Variants in CTNNA2 observed in about 807,000 individuals in gnomAD.
CTNNA2 encodes catenin alpha 2.
Under a neutral mutation model 101.0 loss-of-function variants are expected in CTNNA2, and 42 were observed. The ratio of observed to expected loss-of-function variants is 0.42; its 90% CI spans 0.32 to 0.54. CTNNA2 has a LOEUF of 0.54. CTNNA2 is among the 20% of genes least tolerant of loss of function. CTNNA2 has a pLI of 0.14. For missense variants in CTNNA2, 871 were observed against 1,223.1 expected, an observed-to-expected ratio of 0.71 and a Z score of 4.29; for synonymous variants, 450 against 456.4, an observed-to-expected ratio of 0.99 and a Z score of 0.18.
chr2:80,368,594 C>A (rs1675148885), intron 7 of CTNNA2, among the ~76,000 whole-genome samples: 1 of 151,714 alleles, frequency 6.6e-6, no homozygotes, highest in Non-Finnish European at 1.5e-5. Context: ...ATCCAATTAG[C>A]CTGATTGATC....
chr2:79,860,339 AAT>A, intron 4 of CTNNA2, among the ~76,000 whole-genome samples: 1 of 152,132 alleles, frequency 6.6e-6, no homozygotes, highest in East Asian at 1.9e-4. Flanking sequence ...TGATGGGCTG[AAT>A]ATCCTTGCTG....
intron 3 of CTNNA2, among the ~76,000 whole-genome samples, chr2:79,316,939 G>T (rs898256533): frequency 2.6e-5 from 4 of 151,758 alleles, no homozygotes; most frequent in African/African-American, 9.7e-5. Context: ...ATGCTAAATG[G>T]AATTGAAAAA....
At chr2:80,417,869 A>G (rs372667984) in intron 8 of CTNNA2, among the ~76,000 whole-genome samples, 19 of 152,248 alleles carry the variant, frequency 1.2e-4, no homozygotes, top group East Asian at 1.2e-3. Context: ...ATTTTTGTGC[A>G]CATTATCTTC....
chr2:80,041,450 G>A (rs1172076022), intron 7 of CTNNA2, among the ~76,000 whole-genome samples: 2 of 152,030 alleles, frequency 1.3e-5, no homozygotes, highest in African/African-American at 2.4e-5. Flanking sequence ...GGGATGGGGG[G>A]TACAGAGGTT....
At chr2:80,012,185 A>G (rs920257610) in intron 7 of CTNNA2, among the ~76,000 whole-genome samples, 7 of 152,146 alleles carry the variant, frequency 4.6e-5, no homozygotes, top group Admixed American at 4.6e-4. Flanking sequence ...CCAAGCAGAG[A>G]GAAGATACTT....
intron 7 of CTNNA2, among the ~76,000 whole-genome samples, chr2:80,200,177 A>C (rs2149014163): frequency 6.6e-6 from 1 of 152,346 alleles, no homozygotes; most frequent in East Asian, 1.9e-4. Context: ...GAAAATCAGC[A>C]TTTATTGAGT....
At chr2:79,952,413 A>G (rs773754947) in intron 7 of CTNNA2, among the ~76,000 whole-genome samples, 1 of 152,174 alleles carries the variant, frequency 6.6e-6, no homozygotes, top group Non-Finnish European at 1.5e-5. Context: ...AATTGTGCTC[A>G]AAAAGGGAGG....
intron 7 of CTNNA2, among the ~76,000 whole-genome samples, chr2:79,959,049 G>T (rs894161591): frequency 6.6e-6 from 1 of 150,606 alleles, no homozygotes; most frequent in Non-Finnish European, 1.5e-5. Context: ...CTGTAGCTCC[G>T]TTTTTTTTTC....
chr2:80,520,281 G>A (rs2149571840), intron 9 of CTNNA2, among the ~76,000 whole-genome samples: 1 of 151,982 alleles, frequency 6.6e-6, no homozygotes, highest in Non-Finnish European at 1.5e-5. Context: ...TTTGGAGAAA[G>A]CTGTTGGTGG....
At chr2:79,799,442 A>G (rs1675984872) in intron 3 of CTNNA2, among the ~76,000 whole-genome samples, 1 of 150,930 alleles carries the variant, frequency 6.6e-6, no homozygotes, top group Non-Finnish European at 1.5e-5. Context: ...TTCTGCAAAA[A>G]CTCTCATTGC....
chr2:79,831,166 A>C lies in CTNNA2; in HGVS notation c.299-26847A>C, dbSNP rs536323743. Among the ~76,000 whole-genome samples the C allele has an allele frequency of 5.9e-4, 90 of 152,198 alleles. 1 individual carries two copies. The highest frequency in any genetic ancestry group is 2.1e-3 in the African/African-American group (88 of 41,552). On this transcript the variant is annotated intron_variant, in intron 3 of 18. Transcript: ENST00000402739. ...TTTTAGAAAAAAATTCTGTTTTCTCATTATAAATTTACAAGTTTCTACCAG... is the reference window on the plus strand; with the variant it reads ...TTTTAGAAAAAAATTCTGTTTTCTCCTTATAAATTTACAAGTTTCTACCAG...
chr2:79,784,807 T>C (rs971102105), intron 3 of CTNNA2, among the ~76,000 whole-genome samples: 2 of 151,686 alleles, frequency 1.3e-5, no homozygotes. Context: ...ATAAATGTAA[T>C]GTTGAAAAAA....
At chr2:79,882,670 C>T (rs1162645961) in intron 6 of CTNNA2, among the ~76,000 whole-genome samples, 1 of 152,226 alleles carries the variant, frequency 6.6e-6, no homozygotes, top group Non-Finnish European at 1.5e-5. Context: ...CTGGCTGCTG[C>T]CCCTCCGCCA....
chr2:80,589,189 G>C (rs1696227964), intron 14 of CTNNA2, 115 bp from the exon 15 acceptor site: 8 of 1,015,304 alleles, frequency 7.9e-6, no homozygotes, highest in South Asian at 4.9e-5. Context: ...GGAATGGCAG[G>C]GTAGCTCATA....
chr2:79,914,166 C>CAA lies in CTNNA2; in HGVS notation c.1056+4391_1056+4392dup, dbSNP rs55675912. Among the ~76,000 whole-genome samples, 310 of 90,116 alleles carry CAA rather than the reference C, an allele frequency of 3.4e-3. 3 individuals are homozygous for CAA. The highest frequency in any genetic ancestry group is 0.013 in the East Asian group (40 of 2,972). The allele number at this position is 90,116 out of a possible 152,430, so 59.1% of individuals were successfully genotyped here. A position where few individuals can be genotyped will look rare whatever the true frequency, so the allele number is the denominator to read the frequency against. ...TGGGCGACAGAGCGAGACTCCGTCT[C>CAA]AAAAAAAAAAAAAAAAAAAAAAAGA... On this transcript the variant is annotated intron_variant, in intron 7 of 18. Transcript: ENST00000402739.
chr2:79,516,735 C>T (rs923368959), intron 1 of CTNNA2, among the ~76,000 whole-genome samples: 1 of 152,130 alleles, frequency 6.6e-6, no homozygotes, highest in East Asian at 1.9e-4. Context: ...AGTGAGGACC[C>T]AGAATATTCT....
At chr2:80,266,475 T>C (rs528579484) in intron 7 of CTNNA2, among the ~76,000 whole-genome samples, 62 of 152,330 alleles carry the variant, frequency 4.1e-4, no homozygotes, top group African/African-American at 1.4e-3. Context: ...GCTTTTCGCC[T>C]ACAGGGCCTT....
At chr2:80,597,459 C>T (rs565943195) in intron 15 of CTNNA2, among the ~76,000 whole-genome samples, 1 of 152,174 alleles carries the variant, frequency 6.6e-6, no homozygotes, top group East Asian at 1.9e-4. Flanking sequence ...GTAACAAAAA[C>T]CAAAATTGAC....
chr2:80,292,182 C>G (rs908261139), intron 7 of CTNNA2, among the ~76,000 whole-genome samples: 5 of 152,176 alleles, frequency 3.3e-5, no homozygotes, highest in African/African-American at 1.2e-4. Flanking sequence ...AAACACTTAT[C>G]TAGTACTTGC....
Sources: gnomAD v4.1 joint callset for allele counts (sites outside exome capture counted in the v4.1 genomes callset) on GRCh38, gnomAD v4.1.1 for gene constraint, MANE v1.5 for transcripts, NCBI Gene and HGNC (gene_info 2026-07-23, HGNC 2026-07-21) for gene names.